The following SAMSN1 variants were observed in gnomAD, a reference collection of about 807,000 sequenced individuals.
SAMSN1 encodes SAM domain-containing protein SAMSN-1.
In SAMSN1, 31 loss-of-function variants were observed where a neutral mutation model predicts 42.0. The ratio of observed to expected loss-of-function variants is 0.74; its 90% CI spans 0.55 to 1.00. The LOEUF is 1.00. Among genes scored for constraint, SAMSN1 ranks in the 50% least tolerant of loss-of-function variants. SAMSN1 has a pLI of 0.00. For synonymous variants in SAMSN1, 178 were observed against 151.9 expected, an observed-to-expected ratio of 1.17 and a Z score of -1.26; for missense variants, 464 against 439.4, an observed-to-expected ratio of 1.06 and a Z score of -0.50.
At chr21:14,539,848 C>A (rs751216085) in intron 1 of SAMSN1, among the ~76,000 whole-genome samples, 26 of 152,092 alleles carry the variant, frequency 1.7e-4, no homozygotes, top group Non-Finnish European at 2.5e-4. Flanking sequence ...CAATCCTAAG[C>A]CAGAAGAACA....
chr21:14,587,778 T>TTTA (rs1981965900), upstream of SAMSN1, among the ~76,000 whole-genome samples: 1 of 151,982 alleles, frequency 6.6e-6, no homozygotes, highest in South Asian at 2.1e-4. Context: ...TTAAATTTTT[T>TTTA]TTATTACACT....
chr21:14,559,195 A>G (rs114926546), intron 2 of SAMSN1, among the ~76,000 whole-genome samples: 149 of 152,296 alleles, frequency 9.8e-4, no homozygotes, highest in African/African-American at 3.3e-3. Flanking sequence ...TATATAGGGG[A>G]AAAACATGGG....
chr21:14,546,079 G>A, intron 1 of SAMSN1, 126 bp downstream of exon 1: 13 of 738,844 alleles, frequency 1.8e-5, no homozygotes, highest in Non-Finnish European at 2.8e-5. Flanking sequence ...TTTGCCATGA[G>A]GCATTAAACC....
Position 14,609,569 on chromosome 21 carries a change from C to T in SAMSN1, c.236-1G>A, listed in dbSNP as rs1982653095. ...ATTTTGTCATTCACAGTTTTTCCTT[C>T]TAAAGTGAAGCAGATAATTGGTTAG... On this transcript the variant is annotated splice_acceptor_variant, in intron 4 of 15. Coordinates refer to the SAMSN1 transcript ENST00000647101. LOFTEE classifies it high-confidence loss of function. 7.0e-6 allele frequency: 5 copies of T among 717,842 alleles called. No individual in the cohort carries two copies. The highest frequency in any genetic ancestry group is 1.3e-5 in the Non-Finnish European group (5 of 385,130). The allele number at this position is 717,842 out of a possible 1,614,324, so 44.5% of individuals were successfully genotyped here.
chr21:14,645,671 G>A (rs948678866), intron 1 of SAMSN1, among the ~76,000 whole-genome samples: 11 of 152,076 alleles, frequency 7.2e-5, no homozygotes, highest in African/African-American at 2.4e-4. Context: ...AACTAAATAA[G>A]GCACCAGGGA....
At chr21:14,512,652 A>G in intron 3 of SAMSN1, 79 bp from the exon 4 acceptor site, 1 of 1,352,100 alleles carries the variant, frequency 7.4e-7, no homozygotes. Context: ...GATTTAATAG[A>G]CACATATTTT....
At chr21:14,605,542 T>C (rs1217630881) in intron 5 of SAMSN1, among the ~76,000 whole-genome samples, 1 of 152,210 alleles carries the variant, frequency 6.6e-6, no homozygotes, top group Non-Finnish European at 1.5e-5. Flanking sequence ...TATACCATCT[T>C]TTGCCATCTT....
At position 14,615,568 on chromosome 21, in the gene SAMSN1, TG is replaced by T. The variant is rs1568831630; in HGVS notation, c.197+407del. On this transcript the variant is annotated intron_variant, in intron 3 of 15. Coordinates refer to the SAMSN1 transcript ENST00000647101. ...TGTGTATGTCATGTCCTCTGGCAGC[TG>T]GATGTGCTGAATGTAAAGCCAGGCC... is the stretch of plus-strand genomic sequence containing the variant. Among the ~76,000 whole-genome samples the T allele has an allele frequency of 2.6e-5, 4 of 152,170 alleles. No homozygotes were observed. The South Asian group carries it at 8.3e-4, about 31-fold the overall frequency.
intron 2 of SAMSN1, among the ~76,000 whole-genome samples, chr21:14,629,716 C>A (rs931225175): frequency 2.6e-5 from 4 of 152,160 alleles, no homozygotes; most frequent in African/African-American, 9.7e-5. Context: ...TGGTAAATTG[C>A]ACGAACTTTG....
rs186388160 is a variant in SAMSN1, at chr21:14,621,331, C to T, written c.157-5315G>A. 2.2e-3 allele frequency among the ~76,000 whole-genome samples: 340 copies of T among 152,222 alleles called. 2 individuals are homozygous for T. The highest frequency in any genetic ancestry group is 0.01 in the Middle Eastern group (3 of 294). On this transcript the variant is annotated intron_variant, in intron 2 of 15. Transcript: ENST00000647101. Reference sequence around the variant, plus strand: ...TGGGTGCAGCCCACTGAGTGTGAGCCGAAGCAGGACAAGGCATCGCCTCAC... The same window carrying T: ...TGGGTGCAGCCCACTGAGTGTGAGCTGAAGCAGGACAAGGCATCGCCTCAC...
intron 1 of SAMSN1, among the ~76,000 whole-genome samples, chr21:14,534,316 C>A (rs1045269998): frequency 1.3e-5 from 2 of 152,032 alleles, no homozygotes; most frequent in Non-Finnish European, 2.9e-5. Flanking sequence ...TCAGGTAGAC[C>A]GAGTTCAATC....
intron 1 of SAMSN1, among the ~76,000 whole-genome samples, chr21:14,530,502 C>T (rs1979200970): frequency 1.3e-5 from 2 of 151,986 alleles, no homozygotes; most frequent in African/African-American, 4.8e-5. Context: ...GAAATAAATA[C>T]TGTCTCTAGT....
chr21:14,577,274 ATATATATATAT>A (rs1166412409), intron 2 of SAMSN1, among the ~76,000 whole-genome samples: 1 of 50,376 alleles, frequency 2.0e-5, no homozygotes, highest in Non-Finnish European at 3.5e-5. Flanking sequence ...ATATATATAT[ATATATATATAT>A]TTTTTTTTTA....
At chr21:14,529,010 A>G (rs1245150936) in intron 1 of SAMSN1, among the ~76,000 whole-genome samples, 1 of 152,240 alleles carries the variant, frequency 6.6e-6, no homozygotes, top group Non-Finnish European at 1.5e-5. Flanking sequence ...TCCTCAGTCA[A>G]CAAAATAAAG....
chr21:14,597,008 T>A (rs911619915), intron 6 of SAMSN1, among the ~76,000 whole-genome samples: 3 of 152,190 alleles, frequency 2.0e-5, no homozygotes, highest in African/African-American at 7.2e-5. Context: ...GATAAGAAAG[T>A]ACTTGAAATA....
upstream of SAMSN1, chr21:14,583,707 T>C (rs1451286005): frequency 1.4e-6 from 1 of 717,636 alleles, no homozygotes; most frequent in African/African-American, 1.7e-5. Context: ...GCTTTCTTAG[T>C]CCAAACCAGT....
intron 1 of SAMSN1, among the ~76,000 whole-genome samples, chr21:14,540,743 G>C (rs4817247): frequency 0.52 from 79,098 of 151,560 alleles, 20,993 homozygotes; most frequent in East Asian, 0.78. Context: ...CAAGGATCTA[G>C]AACTAGTAAT....
chr21:14,528,181 T>A (rs986752840), intron 1 of SAMSN1, among the ~76,000 whole-genome samples: 60 of 152,286 alleles, frequency 3.9e-4, no homozygotes, highest in African/African-American at 1.4e-3. Context: ...GCTCAATTTG[T>A]TTTCCCTATT....
At chr21:14,623,929 T>C (rs1274760767) in intron 2 of SAMSN1, among the ~76,000 whole-genome samples, 1 of 152,190 alleles carries the variant, frequency 6.6e-6, no homozygotes, top group African/African-American at 2.4e-5. Context: ...AAACTGTCTC[T>C]CAGACCACAG....
Sources: gnomAD v4.1 joint callset for allele counts (sites outside exome capture counted in the v4.1 genomes callset) on GRCh38, gnomAD v4.1.1 for gene constraint, MANE v1.5 for transcripts, NCBI Gene and HGNC (gene_info 2026-07-23, HGNC 2026-07-21) for gene names.